FILIP1L: variants seen among roughly 807,000 people sequenced by gnomAD.
The protein encoded by FILIP1L is filamin A-interacting protein 1-like.
In FILIP1L, 55 loss-of-function variants were observed where a neutral mutation model predicts 96.6. The observed-to-expected ratio is 0.57, with a 90% confidence interval of 0.46 to 0.71. The LOEUF is 0.71. Among genes scored for constraint, FILIP1L ranks in the 30% least tolerant of loss-of-function variants. FILIP1L has a pLI of 0.00. For missense variants in FILIP1L, 1,304 were observed against 1,321.2 expected, an observed-to-expected ratio of 0.99 and a Z score of 0.20; for synonymous variants, 467 against 473.9, an observed-to-expected ratio of 0.99 and a Z score of 0.19.
intron 4 of FILIP1L, among the ~76,000 whole-genome samples, chr3:99,897,550 A>G (rs567243475): frequency 8.5e-5 from 13 of 152,266 alleles, no homozygotes; most frequent in Middle Eastern, 3.4e-3. Context: ...TGAGTAGTCT[A>G]TATTCTCTAA....
intron 1 of FILIP1L, among the ~76,000 whole-genome samples, chr3:99,955,640 G>A (rs955663278): frequency 1.3e-5 from 2 of 152,150 alleles, no homozygotes; most frequent in Non-Finnish European, 2.9e-5. Context: ...AGCTCCGTTA[G>A]TCTTGCCTAT....
intron 4 of FILIP1L, among the ~76,000 whole-genome samples, chr3:99,897,919 C>A (rs183482927): frequency 5.3e-5 from 8 of 152,314 alleles, no homozygotes; most frequent in African/African-American, 1.9e-4. Context: ...ATGAAGTTTT[C>A]CATGTTTCTC....
intron 1 of FILIP1L, among the ~76,000 whole-genome samples, chr3:100,032,020 A>G (rs571448577): frequency 6.6e-6 from 1 of 152,154 alleles, no homozygotes; most frequent in South Asian, 2.1e-4. Context: ...TCAGCTGTTT[A>G]AAAATGTAAA....
At chr3:99,982,838 A>G (rs1027645215) in intron 1 of FILIP1L, among the ~76,000 whole-genome samples, 6 of 152,182 alleles carry the variant, frequency 3.9e-5, no homozygotes, top group African/African-American at 1.4e-4. Flanking sequence ...ATGAAATGGT[A>G]ATTTATGCAG....
At chr3:99,876,437 T>C (rs375811424) in intron 4 of FILIP1L, among the ~76,000 whole-genome samples, 16 of 152,282 alleles carry the variant, frequency 1.1e-4, no homozygotes, top group East Asian at 7.7e-4. Flanking sequence ...AACAAAGTCA[T>C]TGGGAGGCAG....
chr3:99,895,597 A>C (rs529056998), intron 4 of FILIP1L, among the ~76,000 whole-genome samples: 4 of 152,180 alleles, frequency 2.6e-5, no homozygotes, highest in Admixed American at 1.3e-4. Flanking sequence ...AATTTTTTTT[A>C]ACCTATAGAT....
chr3:99,938,064 TGTGTGTGTGTGC>T (rs1183234351), intron 1 of FILIP1L, among the ~76,000 whole-genome samples: 4 of 93,908 alleles, frequency 4.3e-5, no homozygotes, highest in East Asian at 4.7e-4. Flanking sequence ...TGTGTGTGTG[TGTGTGTGTGTGC>T]GCGCGCGCGC....
chr3:99,983,432 GTATA>G (rs1339536030), intron 1 of FILIP1L, among the ~76,000 whole-genome samples: 1 of 33,482 alleles, frequency 3.0e-5, no homozygotes, highest in African/African-American at 1.2e-4. Context: ...ATGTATGTAT[GTATA>G]TATATGTATG....
chr3:99,927,664 C>G (rs753774287), intron 3 of FILIP1L, among the ~76,000 whole-genome samples: 1 of 152,126 alleles, frequency 6.6e-6, no homozygotes, highest in African/African-American at 2.4e-5. Flanking sequence ...CCACTGCGCC[C>G]GGCCCATATT....
Position 100,044,365 on chromosome 3 carries a change from A to T in FILIP1L, c.-11+69688T>A, listed in dbSNP as rs541412809. Among the ~76,000 whole-genome samples, 536 of 152,278 alleles carry T rather than the reference A, an allele frequency of 3.5e-3. 5 individuals carry two copies. The highest frequency in any genetic ancestry group is 0.012 in the African/African-American group (489 of 41,514). ...TATTTACATCATAGTATAAAGAAGT[A>T]ACACAGGGGTAATCTGTCAAGGGGG... On this transcript the variant is annotated intron_variant, in intron 1 of 5. Coordinates refer to ENST00000477258, the MANE Select transcript of FILIP1L (RefSeq NM_001387850.1).
chr3:99,954,065 G>A (rs1310252866), intron 1 of FILIP1L, among the ~76,000 whole-genome samples: 1 of 152,246 alleles, frequency 6.6e-6, no homozygotes, highest in East Asian at 1.9e-4. Context: ...GAAGGTGGTG[G>A]CATCTCAGTT....
At chr3:99,866,308 T>C (rs1944514812) in intron 4 of FILIP1L, among the ~76,000 whole-genome samples, 1 of 152,150 alleles carries the variant, frequency 6.6e-6, no homozygotes, top group African/African-American at 2.4e-5. Context: ...TTTCACCTCC[T>C]TGTAGTCTGG....
rs969359807 is a variant in FILIP1L, at chr3:99,952,992, G to T, written c.-10-21962C>A. Among the ~76,000 whole-genome samples, 7 of 152,164 alleles carry T rather than the reference G, an allele frequency of 4.6e-5. No individual in the cohort carries two copies. In the East Asian group the frequency reaches 7.7e-4, roughly 17 times the overall value. On this transcript the variant is annotated intron_variant, in intron 1 of 5. Transcript: ENST00000477258. Reference sequence around the variant, plus strand: ...GATTTGGTTTTTGTCACTGAACTGAGTGGTCTCTGAAGGTGGATTTTCTCA... The same window carrying T: ...GATTTGGTTTTTGTCACTGAACTGATTGGTCTCTGAAGGTGGATTTTCTCA...
chr3:99,866,336 G>C (rs543590799), intron 4 of FILIP1L, among the ~76,000 whole-genome samples: 1 of 152,246 alleles, frequency 6.6e-6, no homozygotes, highest in African/African-American at 2.4e-5. Flanking sequence ...CACAGAGGCA[G>C]TGGCTAAAGT....
chr3:99,876,213 T>A, intron 4 of FILIP1L: 1 of 985,356 alleles, frequency 1.0e-6, no homozygotes, highest in Non-Finnish European at 1.2e-6. Flanking sequence ...GGGCGTTACG[T>A]CACTGTTCTG....
chr3:99,862,735 T>C (rs556559384), intron 4 of FILIP1L, among the ~76,000 whole-genome samples: 1 of 152,346 alleles, frequency 6.6e-6, no homozygotes, highest in African/African-American at 2.4e-5. Context: ...GTTAGATTCT[T>C]TGTGTTCGTT....
intron 1 of FILIP1L, among the ~76,000 whole-genome samples, chr3:99,983,442 GTATGTATATATA>G (rs1709208149): frequency 8.3e-5 from 1 of 12,012 alleles, no homozygotes; most frequent in Non-Finnish European, 1.6e-4. Context: ...GTATATATAT[GTATGTATATATA>G]TATATGTGTG....
At chr3:100,022,341 G>T (rs901835297) in intron 1 of FILIP1L, among the ~76,000 whole-genome samples, 1 of 152,152 alleles carries the variant, frequency 6.6e-6, no homozygotes, top group Non-Finnish European at 1.5e-5. Flanking sequence ...CAGCCCTTGG[G>T]CTTCACCTGG....
intron 4 of FILIP1L, among the ~76,000 whole-genome samples, chr3:99,902,312 A>G (rs1214255358): frequency 6.6e-6 from 1 of 152,200 alleles, no homozygotes; most frequent in Non-Finnish European, 1.5e-5. Flanking sequence ...CACCTGGGAA[A>G]GAGTCAGTGC....
Sources: gnomAD v4.1 joint callset for allele counts (sites outside exome capture counted in the v4.1 genomes callset) on GRCh38, gnomAD v4.1.1 for gene constraint, MANE v1.5 for transcripts, NCBI Gene and HGNC (gene_info 2026-07-23, HGNC 2026-07-21) for gene names.